Variants in DSC1 observed in about 807,000 individuals in gnomAD.
DSC1 encodes desmocollin 1, also known as desmocollin-1.
Under a neutral mutation model 98.8 loss-of-function variants are expected in DSC1, and 79 were observed. That is an observed-to-expected ratio of 0.80 (90% CI 0.67 to 0.96). DSC1 has a LOEUF of 0.96. Ranked by LOEUF, DSC1 falls within the 50% of genes least tolerant of loss-of-function variation. The pLI is 0.00. For missense variants in DSC1, 1,115 were observed against 1,075.9 expected (o/e 1.04, Z -0.51); for synonymous variants, 405 against 372.1 (o/e 1.09, Z -1.02).
intron 2 of DSC1, 64 bp downstream of exon 2, chr18:31,159,381 C>A: frequency 6.4e-7 from 1 of 1,550,812 alleles, no homozygotes; most frequent in Non-Finnish European, 8.9e-7. Context: ...CCAAACTTTA[C>A]AAGAGCAGCC....
chr18:31,135,664 C>T (rs748630523), intron 11 of DSC1, among the ~76,000 whole-genome samples: 6 of 152,096 alleles, frequency 3.9e-5, no homozygotes, highest in Admixed American at 2.6e-4. Flanking sequence ...CTATTATTGG[C>T]CTAAGACTTC....
chr18:31,162,542 A>G lies in DSC1; in HGVS notation c.53T>C (p.Phe18Ser). 6.2e-7 allele frequency: 1 copy of G among 1,614,122 alleles called. No individual in the cohort carries two copies. The highest frequency in any genetic ancestry group is 2.2e-5 in the East Asian group (1 of 44,874). ...PGSIFCKQLL[F>S]SLLVLTLLCD... ...TTGGTTGTTACTCACCAGGAGAGAGAAAAGGAGCTGCTTACAGAAGATGCT... is the reference window on the plus strand; with the variant it reads ...TTGGTTGTTACTCACCAGGAGAGAGGAAAGGAGCTGCTTACAGAAGATGCT... The change falls in exon 1 of 16, where the codon TTC becomes TCC. Residue 18 changes from phenylalanine (F) to serine (S), a missense_variant. Physicochemically the swap from Phe to Ser is radical, Grantham distance 155. Transcript: ENST00000257198.
chr18:31,130,538 T>A lies in DSC1; in HGVS notation c.2661A>T (p.Leu887Phe). The A allele has an allele frequency of 6.2e-7, 1 of 1,614,196 alleles. No individual in the cohort carries two copies. The highest frequency in any genetic ancestry group is 2.2e-5 in the East Asian group (1 of 44,880). Reference sequence around the variant, plus strand: ...TTTATTTCTTGATGCATGTCTTTGCTAATGTCCTAAATTTGGGTTCCAGGT... The same window carrying A: ...TTTATTTCTTGATGCATGTCTTTGCAAATGTCCTAAATTTGGGTTCCAGGT... Reference protein sequence around the residue: ...LDHLEPKFRTLAKTCIKK With the variant: ...LDHLEPKFRTFAKTCIKK The change falls in exon 16 of 16, where the codon TTA becomes TTT. Residue 887 changes from leucine to phenylalanine, a missense_variant. By Grantham distance (22) the Leu-to-Phe change is conservative. Transcript: ENST00000257198.
intron 1 of DSC1, 101 bp from the exon 2 acceptor site, chr18:31,159,630 AC>A: frequency 8.9e-7 from 1 of 1,124,766 alleles, no homozygotes; most frequent in Non-Finnish European, 1.3e-6. Context: ...AATTTTGGAA[AC>A]AAATTAATCA....
Position 31,134,025 on chromosome 18 carries a change from G to C in DSC1, c.1982C>G (p.Thr661Arg). Residue 661 changes from threonine (T) to arginine (R), a missense_variant, in exon 13 of 16, where the codon ACA becomes AGA. Physicochemically the swap from Thr to Arg is moderately conservative, Grantham distance 71 (BLOSUM62 -1). Transcript: ENST00000257198. The stretch of plus-strand genomic sequence containing the variant: ...AGTTGAACAGTCACATACTCTCACT[G>C]TTAACATATGTGTTGCAACTAAACC... ...RHGLVATHML[T>R]VRVCDCSTPS... 1 of 1,612,998 alleles carries C rather than the reference G, an allele frequency of 6.2e-7. No homozygotes were observed. The highest frequency in any genetic ancestry group is 8.5e-7 in the Non-Finnish European group (1 of 1,179,624).
chr18:31,157,483 G>C lies in DSC1; in HGVS notation c.239C>G (p.Thr80Arg). The C allele has an allele frequency of 6.2e-7, 1 of 1,614,208 alleles. No homozygotes were observed. The highest frequency in any genetic ancestry group is 8.5e-7 in the Non-Finnish European group (1 of 1,180,040). ...RILEDGSIYT[T>R]HDLILSSERK... ...TTCAGAAGACAAAATGAGGTCATGT[G>C]TTGTGTAAATTGAGCCATCTTCTAG... is the stretch of plus-strand genomic sequence containing the variant. Residue 80 changes from threonine to arginine, a missense_variant, in exon 3 of 16, where the codon ACA becomes AGA. Transcript: ENST00000257198.
At chr18:31,159,642 T>TGA in intron 1 of DSC1, 113 bp from the exon 2 acceptor site, 1 of 1,001,044 alleles carries the variant, frequency 1.0e-6, no homozygotes, top group Non-Finnish European at 1.4e-6. Flanking sequence ...AAATTAATCA[T>TGA]TTAATTCTTT....
In DSC1 at chr18:31,140,290, A is replaced by G. The variant is rs753470901; in HGVS notation, c.1272T>C (p.Tyr424=). The G allele has an allele frequency of 6.2e-7, 1 of 1,613,858 alleles. No individual in the cohort carries two copies. Among genetic ancestry groups the G allele is most frequent in the South Asian group, 1.1e-5 (1 of 91,084 alleles). ...GCAAAATAACTTGGCGATTGACTTCATAGTTCAATGGCTGTTAAATAAGCA... is the reference window on the plus strand; with the variant it reads ...GCAAAATAACTTGGCGATTGACTTCGTAGTTCAATGGCTGTTAAATAAGCA... ...GVLCVVKPLN[Y]EVNRQVILQV... The change falls in exon 10 of 16, where the codon TAT becomes TAC. Residue 424 remains tyrosine (Y), a synonymous_variant. Coordinates refer to ENST00000257198, the MANE Select transcript of DSC1 (RefSeq NM_024421.2).
chr18:31,141,907 A>G, intron 9 of DSC1, 92 bp downstream of exon 9: 3 of 1,249,382 alleles, frequency 2.4e-6, no homozygotes, highest in Non-Finnish European at 3.3e-6. Context: ...GCACTGCAGT[A>G]GTCTAGTCAT....
Position 31,134,689 on chromosome 18 carries a change from T to C in DSC1, c.1759A>G (p.Asn587Asp). The stretch of plus-strand genomic sequence containing the variant: ...GGTTTCAGAACAGCAAAATCCTCAT[T>C]ATTCTGACAAATGGTCACTTCTTTG... ...IDKEVTICQN[N>D]EDFAVLKPVD... is the part of the protein sequence containing the mutation. The change falls in exon 12 of 16, where the codon AAT (asparagine) becomes GAT (aspartate). Residue 587 changes from asparagine (N) to aspartate (D), a missense_variant. Transcript: ENST00000257198. 6.2e-7 allele frequency: 1 copy of C among 1,613,266 alleles called. No homozygotes were observed.
At chr18:31,153,363 T>C (rs1598628019) in intron 5 of DSC1, among the ~76,000 whole-genome samples, 1 of 152,302 alleles carries the variant, frequency 6.6e-6, no homozygotes, top group East Asian at 1.9e-4. Context: ...TATTTGTTTA[T>C]GAGTAGAAAG....
intron 7 of DSC1, among the ~76,000 whole-genome samples, chr18:31,144,238 TA>T (rs11361564): frequency 0.29 from 43,197 of 151,298 alleles, 7,142 homozygotes; most frequent in East Asian, 0.56. Context: ...ATAATTTTGT[TA>T]AAAAAAAATA....
intron 12 of DSC1, 62 bp from the exon 13 acceptor site, chr18:31,134,192 C>T (rs1567996213): frequency 6.5e-7 from 1 of 1,531,482 alleles, no homozygotes; most frequent in Non-Finnish European, 8.8e-7. Flanking sequence ...ATTATTCCTA[C>T]TCAATATTCT....
chr18:31,139,096 T>C (rs191594835), intron 11 of DSC1, among the ~76,000 whole-genome samples: 8 of 152,070 alleles, frequency 5.3e-5, no homozygotes, highest in South Asian at 2.1e-4. Flanking sequence ...TTTATAAATA[T>C]ATATTTAAAC....
rs772404104 is a variant in DSC1, at chr18:31,157,583, A to G, written c.149-10T>C. Reference sequence around the variant, plus strand: ...CACTCCTCCAGATTCACTGCAGGGAAGAAATATCACAGCAGTTTGTCAGAT... The same window carrying G: ...CACTCCTCCAGATTCACTGCAGGGAGGAAATATCACAGCAGTTTGTCAGAT... On this transcript the variant is annotated splice_polypyrimidine_tract_variant and intron_variant, in intron 2 of 15. Transcript: ENST00000257198. 5 of 1,613,986 alleles carry G rather than the reference A, an allele frequency of 3.1e-6. No individual in the cohort carries two copies. The highest frequency in any genetic ancestry group is 3.3e-4 in the Middle Eastern group (2 of 6,062).
At chr18:31,137,283 C>A (rs1327476414) in intron 11 of DSC1, among the ~76,000 whole-genome samples, 1 of 152,120 alleles carries the variant, frequency 6.6e-6, no homozygotes, top group East Asian at 1.9e-4. Flanking sequence ...TTGTACATGA[C>A]AACCCTTAAA....
intron 5 of DSC1, 127 bp downstream of exon 5, chr18:31,154,647 T>C (rs1989059893): frequency 7.9e-6 from 7 of 888,330 alleles, no homozygotes; most frequent in Non-Finnish European, 1.1e-5. Flanking sequence ...AAGTTTATAT[T>C]GCATATTAAT....
At chr18:31,142,298 C>T in intron 8 of DSC1, 114 bp from the exon 9 acceptor site, 2 of 1,111,092 alleles carry the variant, frequency 1.8e-6, no homozygotes, top group Non-Finnish European at 2.5e-6. Context: ...AAGCTGCCCT[C>T]ACTATATGGG....
intron 14 of DSC1, 89 bp from the exon 15 acceptor site, chr18:31,131,931 T>C: frequency 7.1e-7 from 1 of 1,399,908 alleles, no homozygotes; most frequent in Non-Finnish European, 9.8e-7. Context: ...GCAAATCACT[T>C]GCCTGCTGTG....
Sources: allele counts gnomAD v4.1 joint callset (sites outside exome capture counted in the v4.1 genomes callset), GRCh38; gene constraint gnomAD v4.1.1; transcripts MANE v1.5; gene names NCBI Gene and HGNC (gene_info 2026-07-23, HGNC 2026-07-21).